The following TNPO1 variants were observed in gnomAD, a reference collection of about 807,000 sequenced individuals.
TNPO1 encodes the protein transportin-1.
In TNPO1, 8 loss-of-function variants were observed where a neutral mutation model predicts 119.5. The observed-to-expected ratio is 0.07, with a 90% CI of 0.04 to 0.12. TNPO1 has a LOEUF of 0.12. Ranked by LOEUF, TNPO1 falls within the 10% of genes least tolerant of loss-of-function variation. TNPO1 has a pLI of 1.00. For synonymous variants in TNPO1, 362 were observed against 363.0 expected, an observed-to-expected ratio of 1.00 and a Z score of 0.03; for missense variants, 576 against 1,089.8, an observed-to-expected ratio of 0.53 and a Z score of 6.64.
At chr5:72,861,278 T>C (rs562770431) in intron 4 of TNPO1, among the ~76,000 whole-genome samples, 3 of 152,218 alleles carry the variant, frequency 2.0e-5, no homozygotes, top group African/African-American at 4.8e-5. Context: ...TGCATTCTTA[T>C]ACTTGGTAAA....
chr5:72,913,668 G>A lies in TNPO1; in HGVS notation c.*4995G>A, dbSNP rs750876679. The A allele has an allele frequency of 5.2e-5, 8 of 152,440 alleles. No individual in the cohort carries two copies. The highest frequency in any genetic ancestry group is 1.2e-4 in the Non-Finnish European group (8 of 67,940). 9.4% of individuals were successfully genotyped at this position (152,440 alleles called of 1,614,324 possible). A position where few individuals can be genotyped will look rare whatever the true frequency, so the allele number is the denominator to read the frequency against. On this transcript the variant is annotated 3_prime_UTR_variant, in exon 25 of 25. Coordinates refer to ENST00000337273, the MANE Select transcript of TNPO1 (RefSeq NM_002270.4). ...TTATTCAAGATTAGCTATTTCGCTG[G>A]TATTACATCTTTTTAAAAGCCTATT... is the stretch of plus-strand genomic sequence containing the variant.
intron 3 of TNPO1, among the ~76,000 whole-genome samples, chr5:72,853,655 A>G (rs940729560): frequency 5.5e-5 from 5 of 91,564 alleles, no homozygotes; most frequent in Middle Eastern, 5.8e-3. Flanking sequence ...TCTTGTGTTT[A>G]TGCATTTTTT....
intron 24 of TNPO1, 99 bp from the exon 25 acceptor site, chr5:72,908,604 TTATAGG>T (rs1750339496): frequency 6.4e-6 from 1 of 156,852 alleles, no homozygotes; most frequent in Admixed American, 6.5e-5. Context: ...CTCATTTTCT[TTATAGG>T]TAAAGATAGC....
chr5:72,898,147 T>A (rs976472775), intron 20 of TNPO1, among the ~76,000 whole-genome samples: 4 of 152,122 alleles, frequency 2.6e-5, no homozygotes, highest in Non-Finnish European at 5.9e-5. Flanking sequence ...TTATGAAATC[T>A]TGTTAGGATT....
chr5:72,895,353 C>A (rs988228260), intron 18 of TNPO1, among the ~76,000 whole-genome samples: 2 of 48,270 alleles, frequency 4.1e-5, no homozygotes, highest in African/African-American at 1.2e-4. Context: ...AGTTGTCCCT[C>A]CTTTTTTTTT....
At chr5:72,823,622 C>G (rs866805182) in intron 1 of TNPO1, among the ~76,000 whole-genome samples, 19 of 152,312 alleles carry the variant, frequency 1.2e-4, no homozygotes, top group South Asian at 8.3e-4. Context: ...GATGTTTTCA[C>G]TCCCTTTTAT....
chr5:72,848,125 C>A, intron 1 of TNPO1: 1 of 1,167,366 alleles, frequency 8.6e-7, no homozygotes, highest in Non-Finnish European at 1.1e-6. Context: ...CGCGGTGACT[C>A]AGTCTGGTCG....
chr5:72,843,115 C>A (rs1232523202), intron 1 of TNPO1, among the ~76,000 whole-genome samples: 5 of 152,106 alleles, frequency 3.3e-5, no homozygotes, highest in Admixed American at 6.6e-5. Flanking sequence ...CTGGGCAGGG[C>A]TGAGAGTGCT....
intron 2 of TNPO1, among the ~76,000 whole-genome samples, chr5:72,848,782 C>T (rs1378852832): frequency 1.3e-5 from 2 of 148,272 alleles, no homozygotes; most frequent in Non-Finnish European, 3.0e-5. Flanking sequence ...GGCCGCCGCC[C>T]GGGATCGCGA....
At chr5:72,871,930 G>A (rs1432180851) in intron 6 of TNPO1, 2 of 152,092 alleles carry the variant, frequency 1.3e-5, no homozygotes, top group East Asian at 3.9e-4. Flanking sequence ...TAATTAAGAG[G>A]GAAAAAAATG....
intron 24 of TNPO1, 88 bp downstream of exon 24, chr5:72,905,533 A>G (rs1302397808): frequency 6.5e-6 from 4 of 611,090 alleles, no homozygotes; most frequent in African/African-American, 3.7e-5. Context: ...ATAAAAAGCT[A>G]TTTGTTTTCT....
intron 5 of TNPO1, among the ~76,000 whole-genome samples, chr5:72,862,703 T>G (rs1746549505): frequency 6.6e-6 from 1 of 152,174 alleles, no homozygotes; most frequent in Admixed American, 6.6e-5. Flanking sequence ...TGAAGTGCAG[T>G]GGTGCAATCT....
chr5:72,846,725 G>A (rs1283885052), intron 1 of TNPO1, among the ~76,000 whole-genome samples: 1 of 152,166 alleles, frequency 6.6e-6, no homozygotes, highest in African/African-American at 2.4e-5. Context: ...TCTCTATCTT[G>A]AGCTGGGTGT....
chr5:72,821,291 T>C (rs1205805287), intron 1 of TNPO1, among the ~76,000 whole-genome samples: 1 of 152,170 alleles, frequency 6.6e-6, no homozygotes, highest in Non-Finnish European at 1.5e-5. Flanking sequence ...CATATGTTTC[T>C]ACCACAAATG....
rs34666 is a variant in TNPO1 at position 72,863,223 on chromosome 5, C to T, written c.462+1309C>T. Among the ~76,000 whole-genome samples the T allele has an allele frequency of 2.6e-5, 4 of 152,140 alleles. No homozygotes were observed. In the East Asian group the frequency reaches 7.7e-4, roughly 29 times the overall value. On this transcript the variant is annotated intron_variant, in intron 5 of 24. Coordinates refer to ENST00000337273, the MANE Select transcript of TNPO1 (RefSeq NM_002270.4). ...GTGTTTTGACTCTGTAAAGCATCGACTCCTATACCTCTCAAAGAGCGGAGG... is the reference window on the plus strand; with the variant it reads ...GTGTTTTGACTCTGTAAAGCATCGATTCCTATACCTCTCAAAGAGCGGAGG...
rs767444288 is a variant in TNPO1 at position 72,883,178 on chromosome 5, G to C, written c.1096G>C (p.Asp366His). 5.1e-6 allele frequency: 8 copies of C among 1,576,106 alleles called. No individual in the cohort carries two copies. The highest frequency in any genetic ancestry group is 7.0e-6 in the Non-Finnish European group (8 of 1,145,636). Residue 366 changes from aspartate (D) to histidine (H), a missense_variant, in exon 11 of 25, where the codon GAT becomes CAT. Coordinates refer to ENST00000337273, the MANE Select transcript of TNPO1 (RefSeq NM_002270.4). Reference protein sequence around the residue: ...QHDEDGIEEEDDDDDEIDDDD... With the variant: ...QHDEDGIEEEHDDDDEIDDDD... ...TGATGAAGATGGAATTGAAGAGGAA[G>C]ATGATGATGATGATGAAATTGATGA...
intron 7 of TNPO1, among the ~76,000 whole-genome samples, chr5:72,873,557 A>G (rs1358016885): frequency 6.6e-6 from 1 of 152,130 alleles, no homozygotes; most frequent in Non-Finnish European, 1.5e-5. Context: ...TGTGTCTTAA[A>G]TAGTTTTACT....
chr5:72,896,391 G>T, intron 18 of TNPO1, 67 bp from the exon 19 acceptor site: 1 of 1,030,036 alleles, frequency 9.7e-7, no homozygotes, highest in Admixed American at 2.5e-5. Context: ...CCACCTAGTA[G>T]ATTTCCTTTA....
At chr5:72,888,009 T>C (rs1580459285) in intron 12 of TNPO1, 69 bp from the exon 13 acceptor site, 3 of 1,452,440 alleles carry the variant, frequency 2.1e-6, no homozygotes, top group East Asian at 2.3e-5. Context: ...ATACGTGTTT[T>C]ATTTTCATAA....
Sources: gnomAD v4.1 joint callset for allele counts (sites outside exome capture counted in the v4.1 genomes callset) on GRCh38, gnomAD v4.1.1 for gene constraint, MANE v1.5 for transcripts, NCBI Gene and HGNC (gene_info 2026-07-23, HGNC 2026-07-21) for gene names.